Variants in AVL9 observed in about 807,000 individuals in gnomAD.
The protein encoded by AVL9 is late secretory pathway protein AVL9 homolog.
A neutral mutation model predicts 79.2 loss-of-function variants in AVL9; 49 were observed. That is an observed-to-expected ratio of 0.62 (90% CI 0.49 to 0.79). The LOEUF (loss-of-function observed/expected upper bound fraction) is 0.79, where lower values mean the gene tolerates loss of function less well. Among genes scored for constraint, AVL9 ranks in the 30% least tolerant of loss-of-function variants. The pLI, the probability that AVL9 is intolerant of heterozygous loss-of-function variation, is 0.00. For synonymous variants in AVL9, 299 were observed against 280.6 expected, an observed-to-expected ratio of 1.07 and a Z score of -0.65; for missense variants, 682 against 776.8, an observed-to-expected ratio of 0.88 and a Z score of 1.45.
intron 1 of AVL9, among the ~76,000 whole-genome samples, chr7:32,503,574 A>C (rs868541240): frequency 6.7e-6 from 1 of 150,136 alleles, no homozygotes; most frequent in Non-Finnish European, 1.5e-5. Flanking sequence ...AAAAAAAAAA[A>C]AACTAGATTT....
At chr7:32,499,817 A>T (rs1025176285) in intron 1 of AVL9, among the ~76,000 whole-genome samples, 1 of 151,590 alleles carries the variant, frequency 6.6e-6, no homozygotes, top group South Asian at 2.1e-4. Flanking sequence ...TCATTGTTCA[A>T]CTCCCACTTA....
Position 32,584,016 on chromosome 7 carries a change from G to T in AVL9, c.*109G>T. 2 of 785,768 alleles carry T rather than the reference G, an allele frequency of 2.5e-6. No homozygotes were observed. The highest frequency in any genetic ancestry group is 4.5e-6 in the Non-Finnish European group (2 of 443,774). 48.7% of individuals were successfully genotyped at this position (785,768 alleles called of 1,614,324 possible). A position where few individuals can be genotyped will look rare whatever the true frequency, so the allele number is the denominator to read the frequency against. On this transcript the variant is annotated 3_prime_UTR_variant, in exon 16 of 16. Coordinates refer to ENST00000318709, the MANE Select transcript of AVL9 (RefSeq NM_015060.3). Reference sequence around the variant, plus strand: ...GATCCACAGCAGGGGACCATATGTCGAACTGTTTACATGGATGTTGCTCTA... The same window carrying T: ...GATCCACAGCAGGGGACCATATGTCTAACTGTTTACATGGATGTTGCTCTA...
Position 32,553,460 on chromosome 7 carries a change from C to G in AVL9, c.530-267C>G, listed in dbSNP as rs73303557. ...AACTTAAGTCAGTTTGTCTCAGTCA[C>G]ACATGCCACATTTCAGTTGCTCTGT... is the stretch of plus-strand genomic sequence containing the variant. On this transcript the variant is annotated intron_variant, in intron 6 of 15. Coordinates refer to ENST00000318709, the MANE Select transcript of AVL9 (RefSeq NM_015060.3). 0.064 allele frequency among the ~76,000 whole-genome samples: 9,701 copies of G among 152,200 alleles called. 373 individuals are homozygous for G. The highest frequency in any genetic ancestry group is 0.085 in the Non-Finnish European group (5,746 of 67,990).
chr7:32,576,524 C>T (rs1791107326), intron 13 of AVL9, among the ~76,000 whole-genome samples: 1 of 152,194 alleles, frequency 6.6e-6, no homozygotes, highest in Non-Finnish European at 1.5e-5. Context: ...GGGCTCATGC[C>T]TGTAATCCCA....
In AVL9 at chr7:32,581,024, A is replaced by G. The variant is rs572445682; in HGVS notation, c.1831+134A>G. On this transcript the variant is annotated intron_variant, in intron 15 of 15. Transcript: ENST00000318709. ...CACATAGTAATACAAGAGTTTTTTA[A>G]ATTTTTGTCATATTCATTTGAAAAA... is the stretch of plus-strand genomic sequence containing the variant. 1.0e-4 allele frequency: 78 copies of G among 757,820 alleles called. No homozygotes were observed. The African/African-American group carries it at 1.3e-3, about 13-fold the overall frequency. The allele number at this position is 757,820 out of a possible 1,614,324, so 46.9% of individuals were successfully genotyped here. A position where few individuals can be genotyped will look rare whatever the true frequency, so the allele number is the denominator to read the frequency against.
At position 32,566,986 on chromosome 7, in the gene AVL9, G is replaced by A. The variant is rs138113854; in HGVS notation, c.1216-3034G>A. ...AGTCTTAAAACTTTTCTAAAGAGCA[G>A]TAGCCATTTCTTTGTTTGGCTTTTA... On this transcript the variant is annotated intron_variant, in intron 10 of 15. Coordinates refer to ENST00000318709, the MANE Select transcript of AVL9 (RefSeq NM_015060.3). Among the ~76,000 whole-genome samples the A allele has an allele frequency of 5.3e-4, 80 of 152,344 alleles. No homozygotes were observed. In the East Asian group the frequency reaches 0.013, roughly 25 times the overall value.
intron 10 of AVL9, among the ~76,000 whole-genome samples, chr7:32,562,407 T>G (rs1194474062): frequency 1.3e-5 from 2 of 152,228 alleles, no homozygotes; most frequent in Non-Finnish European, 2.9e-5. Context: ...ACTGTACTTA[T>G]ATTAGTAAAC....
intron 12 of AVL9, among the ~76,000 whole-genome samples, chr7:32,574,287 T>C (rs1419390926): frequency 1.3e-5 from 2 of 152,102 alleles, no homozygotes; most frequent in East Asian, 1.9e-4. Context: ...ACAGTGCACA[T>C]AGGAGTTTTA....
chr7:32,566,974 TTC>T (rs1790609549), intron 10 of AVL9, among the ~76,000 whole-genome samples: 1 of 152,254 alleles, frequency 6.6e-6, no homozygotes, highest in African/African-American at 2.4e-5. Flanking sequence ...CTTAAAACTT[TTC>T]TAAAGAGCAG....
intron 1 of AVL9, among the ~76,000 whole-genome samples, chr7:32,507,988 A>G (rs572895038): frequency 1.3e-5 from 2 of 152,258 alleles, no homozygotes; most frequent in East Asian, 3.9e-4. Flanking sequence ...GAGGCTGGAC[A>G]CTTTTTTATA....
At chr7:32,558,829 A>G (rs1342142331) in intron 9 of AVL9, 100 bp from the exon 10 acceptor site, 1 of 1,179,082 alleles carries the variant, frequency 8.5e-7, no homozygotes, top group South Asian at 1.7e-5. Context: ...GTGTACAAGC[A>G]TAGCTTATTA....
intron 1 of AVL9, among the ~76,000 whole-genome samples, chr7:32,524,015 G>A (rs1788293724): frequency 6.6e-6 from 1 of 151,792 alleles, no homozygotes; most frequent in South Asian, 2.1e-4. Flanking sequence ...TTACAGGCGT[G>A]AGCCCCTGCA....
At chr7:32,544,566 T>A in intron 2 of AVL9, 128 bp from the exon 3 acceptor site, 1 of 642,658 alleles carries the variant, frequency 1.6e-6, no homozygotes, top group Non-Finnish European at 2.7e-6. Flanking sequence ...TACAAATAAG[T>A]ATGATTTGGA....
chr7:32,501,406 A>G (rs1047033391), intron 1 of AVL9, among the ~76,000 whole-genome samples: 1 of 152,220 alleles, frequency 6.6e-6, no homozygotes, highest in African/African-American at 2.4e-5. Context: ...TTTAGCTGCT[A>G]GTTTTACAGA....
chr7:32,527,913 A>C (rs1344965531), intron 1 of AVL9, among the ~76,000 whole-genome samples: 2 of 152,086 alleles, frequency 1.3e-5, no homozygotes, highest in African/African-American at 4.8e-5. Context: ...GGTTCAGGCC[A>C]TGATGAGAAA....
chr7:32,517,805 T>A (rs1000918175), intron 1 of AVL9, among the ~76,000 whole-genome samples: 3 of 88,474 alleles, frequency 3.4e-5, no homozygotes, highest in African/African-American at 9.3e-5. Flanking sequence ...TGATCTTTGC[T>A]TGTGTGTTTT....
intron 1 of AVL9, chr7:32,532,725 A>G (rs1211471378): frequency 2.6e-5 from 4 of 152,234 alleles, no homozygotes; most frequent in African/African-American, 9.6e-5. Flanking sequence ...AAACTAAGAT[A>G]CTTATTTCCA....
chr7:32,531,426 T>TGAACATGTATATG (rs1562768925), intron 1 of AVL9, among the ~76,000 whole-genome samples: 1 of 152,050 alleles, frequency 6.6e-6, no homozygotes, highest in Non-Finnish European at 1.5e-5. Flanking sequence ...AACATGTATA[T>TGAACATGTATATG]TCATATAACG....
At chr7:32,518,432 G>A (rs966927211) in intron 1 of AVL9, among the ~76,000 whole-genome samples, 3 of 151,986 alleles carry the variant, frequency 2.0e-5, no homozygotes, top group Admixed American at 6.6e-5. Flanking sequence ...TTCATTAAAT[G>A]TTTGGATATT....
Sources: allele counts gnomAD v4.1 joint callset (sites outside exome capture counted in the v4.1 genomes callset), GRCh38; gene constraint gnomAD v4.1.1; transcripts MANE v1.5; gene names NCBI Gene and HGNC (gene_info 2026-07-23, HGNC 2026-07-21).